Variants in RALYL observed in about 807,000 individuals in gnomAD.
RALYL encodes RNA-binding Raly-like protein.
In RALYL, 29 loss-of-function variants were observed where a neutral mutation model predicts 35.1. The observed-to-expected ratio is 0.83, with a 90% CI of 0.61 to 1.13. The LOEUF (loss-of-function observed/expected upper bound fraction) is 1.13. Among genes scored for constraint, RALYL ranks in the 50% most tolerant of loss-of-function variants. RALYL has a pLI of 0.00. For synonymous variants in RALYL, 120 were observed against 127.6 expected, an observed-to-expected ratio of 0.94 and a Z score of 0.40; for missense variants, 359 against 360.4, an observed-to-expected ratio of 1.00 and a Z score of 0.03.
chr8:84,402,531 G>A (rs528469017), intron 1 of RALYL, among the ~76,000 whole-genome samples: 4 of 152,162 alleles, frequency 2.6e-5, no homozygotes, highest in African/African-American at 9.6e-5. Context: ...AAACAAGACT[G>A]GGTATCACTG....
In RALYL at chr8:84,355,511, G is replaced by T. The variant is rs535344088; in HGVS notation, c.-24+171087G>T. Among the ~76,000 whole-genome samples the T allele has an allele frequency of 3.5e-4, 52 of 150,450 alleles. 4 individuals carry two copies. The highest frequency in any genetic ancestry group is 4.7e-4 in the Non-Finnish European group (32 of 67,716). The stretch of plus-strand genomic sequence containing the variant: ...ATCATGGGATTGATCTTATGTACCA[G>T]CATAAGAGTTTAAAATTTTGTTTTT... On this transcript the variant is annotated intron_variant, in intron 1 of 8. Transcript: ENST00000521268.
chr8:84,307,581 A>C (rs925022678), intron 1 of RALYL, among the ~76,000 whole-genome samples: 7 of 152,208 alleles, frequency 4.6e-5, no homozygotes, highest in African/African-American at 1.2e-4. Context: ...CCTCTTTGCC[A>C]TTCTGAAATT....
chr8:84,573,860 T>C (rs1042668137), intron 2 of RALYL, among the ~76,000 whole-genome samples: 2 of 151,960 alleles, frequency 1.3e-5, no homozygotes, highest in African/African-American at 4.8e-5. Context: ...AGTTCAATTT[T>C]TTCTTTTATA....
At chr8:84,690,078 C>T (rs1326578748) in intron 2 of RALYL, among the ~76,000 whole-genome samples, 1 of 152,062 alleles carries the variant, frequency 6.6e-6, no homozygotes, top group Non-Finnish European at 1.5e-5. Flanking sequence ...CATCACTCCT[C>T]TGTTCATTGC....
chr8:84,605,072 C>T, intron 2 of RALYL, among the ~76,000 whole-genome samples: 1 of 152,044 alleles, frequency 6.6e-6, no homozygotes, highest in East Asian at 1.9e-4. Flanking sequence ...TAAAGTAAAT[C>T]AAGGGAAGTC....
At chr8:84,426,579 A>C (rs1458545758) in intron 1 of RALYL, among the ~76,000 whole-genome samples, 1 of 152,120 alleles carries the variant, frequency 6.6e-6, no homozygotes, top group Non-Finnish European at 1.5e-5. Context: ...GTTGTAGCAA[A>C]TGACAAGATC....
chr8:84,792,974 TG>T (rs750528659), intron 3 of RALYL, among the ~76,000 whole-genome samples: 27 of 152,292 alleles, frequency 1.8e-4, no homozygotes, highest in Non-Finnish European at 2.9e-4. Context: ...CTACCAGAGA[TG>T]TCTCCAAGGT....
At chr8:84,574,044 A>G (rs1220585947) in intron 2 of RALYL, among the ~76,000 whole-genome samples, 1 of 151,854 alleles carries the variant, frequency 6.6e-6, no homozygotes, top group East Asian at 1.9e-4. Flanking sequence ...TGGATACCGG[A>G]CCTTATAAAT....
intron 6 of RALYL, among the ~76,000 whole-genome samples, chr8:84,869,929 T>C (rs1298928341): frequency 6.6e-6 from 1 of 152,180 alleles, no homozygotes; most frequent in Non-Finnish European, 1.5e-5. Context: ...TTTTGTCAAC[T>C]GTATCAGAAT....
At chr8:84,661,074 G>A (rs541615997) in intron 2 of RALYL, among the ~76,000 whole-genome samples, 8 of 151,694 alleles carry the variant, frequency 5.3e-5, no homozygotes, top group South Asian at 2.1e-4. Context: ...GACTACAGGC[G>A]CCCCCCACCA....
intron 1 of RALYL, among the ~76,000 whole-genome samples, chr8:84,289,687 A>G (rs1838382469): frequency 6.6e-6 from 1 of 152,156 alleles, no homozygotes; most frequent in African/African-American, 2.4e-5. Flanking sequence ...CTCACTTCCA[A>G]TTACCAGTGA....
intron 1 of RALYL, among the ~76,000 whole-genome samples, chr8:84,288,747 A>AT (rs143094839): frequency 0.047 from 7,196 of 152,114 alleles, 265 homozygotes; most frequent in African/African-American, 0.083. Flanking sequence ...GGAAAGATAT[A>AT]TTTTTTCTCT....
intron 1 of RALYL, among the ~76,000 whole-genome samples, chr8:84,367,260 C>T (rs1478931641): frequency 2.7e-5 from 4 of 147,292 alleles, no homozygotes; most frequent in East Asian, 2.0e-4. Flanking sequence ...CTCAGCCTCC[C>T]GAGTAACTGG....
chr8:84,451,971 GA>G (rs1201621681), intron 1 of RALYL, among the ~76,000 whole-genome samples: 1 of 151,898 alleles, frequency 6.6e-6, no homozygotes, highest in East Asian at 1.9e-4. Context: ...GGGCAGCCCT[GA>G]TATTTCAGTG....
chr8:84,195,424 G>A (rs1332817515), intron 1 of RALYL, among the ~76,000 whole-genome samples: 3 of 152,090 alleles, frequency 2.0e-5, no homozygotes, highest in Non-Finnish European at 4.4e-5. Context: ...CAGCGACAGA[G>A]CGAGACTCCA....
chr8:84,893,142 G>C (rs902267907), intron 8 of RALYL, among the ~76,000 whole-genome samples: 7 of 152,150 alleles, frequency 4.6e-5, no homozygotes, highest in Non-Finnish European at 7.3e-5. Flanking sequence ...AAGACTCCTG[G>C]CAGAAATGGG....
intron 2 of RALYL, among the ~76,000 whole-genome samples, chr8:84,613,684 T>A (rs946829744): frequency 5.3e-5 from 8 of 151,380 alleles, no homozygotes; most frequent in Admixed American, 4.6e-4. Context: ...GTTGATCCCA[T>A]ACAATAATGT....
At chr8:84,762,389 A>G (rs1812929440) in intron 2 of RALYL, among the ~76,000 whole-genome samples, 1 of 152,130 alleles carries the variant, frequency 6.6e-6, no homozygotes, top group African/African-American at 2.4e-5. Context: ...TCAGGTTTGT[A>G]TTCTCAGTCA....
At chr8:84,695,697 C>A (rs1205559050) in intron 2 of RALYL, among the ~76,000 whole-genome samples, 1 of 151,634 alleles carries the variant, frequency 6.6e-6, no homozygotes, top group Non-Finnish European at 1.5e-5. Flanking sequence ...TTATTGTGTT[C>A]TTAATCTGAG....
Sources: gnomAD v4.1 joint callset for allele counts (sites outside exome capture counted in the v4.1 genomes callset) on GRCh38, gnomAD v4.1.1 for gene constraint, MANE v1.5 for transcripts, NCBI Gene and HGNC (gene_info 2026-07-23, HGNC 2026-07-21) for gene names.